The following ANAPC10 variants were observed in gnomAD, a reference collection of about 807,000 sequenced individuals.
ANAPC10 encodes anaphase-promoting complex subunit 10.
A neutral mutation model predicts 22.0 loss-of-function variants in ANAPC10; 12 were observed. The ratio of observed to expected loss-of-function variants is 0.55; its 90% CI spans 0.35 to 0.88. The LOEUF is 0.88. Ranked by LOEUF, ANAPC10 falls within the 40% of genes least tolerant of loss-of-function variation. The pLI, the probability that ANAPC10 is intolerant of heterozygous loss-of-function variation, is 0.01. For synonymous variants in ANAPC10, 65 were observed against 69.5 expected (o/e 0.94, Z 0.32); for missense variants, 188 against 220.9 (o/e 0.85, Z 0.94).
Position 145,067,281 on chromosome 4 carries a change from C to A in ANAPC10, c.207-2589G>T, listed in dbSNP as rs528224812. On this transcript the variant is annotated intron_variant, in intron 3 of 4. Coordinates refer to ENST00000507656, the MANE Select transcript of ANAPC10 (RefSeq NM_001256706.2). Reference sequence around the variant, plus strand: ...AGTAGCTCAAACTGCTCAAAACCATCATTATAATAATAATCACTCCATAGT... The same window carrying A: ...AGTAGCTCAAACTGCTCAAAACCATAATTATAATAATAATCACTCCATAGT... Among the ~76,000 whole-genome samples, 5 of 152,236 alleles carry A rather than the reference C, an allele frequency of 3.3e-5. No homozygotes were observed. The East Asian group carries it at 9.6e-4, about 29-fold the overall frequency.
chr4:145,009,998 A>C (rs1312943780), intron 4 of ANAPC10, among the ~76,000 whole-genome samples: 1 of 152,212 alleles, frequency 6.6e-6, no homozygotes, highest in Non-Finnish European at 1.5e-5. Flanking sequence ...CAAACCCATC[A>C]AAAAGTGGGT....
intron 4 of ANAPC10, among the ~76,000 whole-genome samples, chr4:145,002,457 G>C (rs1732717693): frequency 6.9e-6 from 1 of 145,018 alleles, no homozygotes; most frequent in East Asian, 2.3e-4. Flanking sequence ...ATTCATTTTA[G>C]ACTAGAAAAT....
At chr4:145,019,299 T>C (rs1404314954) in intron 4 of ANAPC10, among the ~76,000 whole-genome samples, 2 of 152,150 alleles carry the variant, frequency 1.3e-5, no homozygotes, top group Non-Finnish European at 2.9e-5. Flanking sequence ...AAAAGGAACC[T>C]TCAAAACATG....
intron 3 of ANAPC10, among the ~76,000 whole-genome samples, chr4:145,076,122 T>C (rs1745159763): frequency 6.6e-6 from 1 of 152,240 alleles, no homozygotes; most frequent in Admixed American, 6.5e-5. Flanking sequence ...CAGAAAGCTT[T>C]AGCAGATGGG....
rs1451382689 is a variant in ANAPC10, at chr4:145,017,754, G to A, written c.328-22151C>T. ...CAATGATAGACTGGATTAAGAAAAT[G>A]TGGCACATACACACCATGGAATACT... On this transcript the variant is annotated intron_variant, in intron 4 of 4. Transcript: ENST00000507656. Among the ~76,000 whole-genome samples the A allele has an allele frequency of 2.0e-5, 3 of 152,106 alleles. No individual in the cohort carries two copies. The East Asian group carries it at 5.8e-4, about 29-fold the overall frequency.
chr4:145,054,638 TGTGCGCGCGC>T (rs1283047144), intron 4 of ANAPC10, among the ~76,000 whole-genome samples: 3 of 65,462 alleles, frequency 4.6e-5, no homozygotes, highest in African/African-American at 1.4e-4. Flanking sequence ...TGTGTGTGTG[TGTGCGCGCGC>T]GCGCGCGTGC....
At chr4:145,079,558 A>C (rs1487734187) in intron 3 of ANAPC10, among the ~76,000 whole-genome samples, 1 of 152,220 alleles carries the variant, frequency 6.6e-6, no homozygotes, top group Non-Finnish European at 1.5e-5. Flanking sequence ...AAATCATTTC[A>C]CCATAAGACA....
chr4:144,995,697 C>T lies in ANAPC10; in HGVS notation c.328-94G>A, dbSNP rs1004561931. On this transcript the variant is annotated intron_variant, in intron 4 of 4. Transcript: ENST00000507656. Reference sequence around the variant, plus strand: ...CTATAATAAAATAACTTATAATTAACATTTTGCTCAACGAAAGAATGACAA... The same window carrying T: ...CTATAATAAAATAACTTATAATTAATATTTTGCTCAACGAAAGAATGACAA... 42 of 852,586 alleles carry T rather than the reference C, an allele frequency of 4.9e-5. No homozygotes were observed. The African/African-American group carries it at 6.5e-4, about 13-fold the overall frequency. The allele number at this position is 852,586 out of a possible 1,614,324, so 52.8% of individuals were successfully genotyped here.
At chr4:145,041,420 G>A (rs1304691343) in intron 4 of ANAPC10, among the ~76,000 whole-genome samples, 2 of 152,192 alleles carry the variant, frequency 1.3e-5, no homozygotes, top group East Asian at 1.9e-4. Context: ...TGATAACTGA[G>A]GAGAAAAAGC....
intron 4 of ANAPC10, among the ~76,000 whole-genome samples, chr4:145,063,351 C>T (rs929187666): frequency 1.3e-5 from 2 of 152,050 alleles, no homozygotes; most frequent in Non-Finnish European, 2.9e-5. Flanking sequence ...GGACAATATC[C>T]TCACCTGTTC....
At chr4:145,010,743 C>T (rs1578895373) in intron 4 of ANAPC10, among the ~76,000 whole-genome samples, 1 of 152,094 alleles carries the variant, frequency 6.6e-6, no homozygotes, top group African/African-American at 2.4e-5. Flanking sequence ...TTAATGGGTA[C>T]AGCACACCAA....
intron 3 of ANAPC10, among the ~76,000 whole-genome samples, chr4:145,073,234 T>C (rs926977378): frequency 2.4e-4 from 36 of 152,314 alleles, no homozygotes; most frequent in African/African-American, 8.7e-4. Context: ...ATTTTTCCAT[T>C]TGCTCTACTT....
At chr4:145,044,488 C>T (rs1739997252) in intron 4 of ANAPC10, among the ~76,000 whole-genome samples, 2 of 152,220 alleles carry the variant, frequency 1.3e-5, no homozygotes, top group Admixed American at 1.3e-4. Context: ...CTCCCACCCA[C>T]CATGACCCAC....
intron 4 of ANAPC10, among the ~76,000 whole-genome samples, chr4:145,049,776 G>T (rs1740839729): frequency 6.6e-6 from 1 of 151,844 alleles, no homozygotes; most frequent in African/African-American, 2.4e-5. Context: ...TAGAGATGGG[G>T]GTCTTGTTAT....
intron 4 of ANAPC10, among the ~76,000 whole-genome samples, chr4:145,049,038 T>C (rs1740719943): frequency 1.3e-5 from 2 of 152,214 alleles, no homozygotes; most frequent in Non-Finnish European, 2.9e-5. Flanking sequence ...GGTTTCTCAG[T>C]GCATATATTA....
At chr4:145,028,093 G>C (rs947792324) in intron 4 of ANAPC10, among the ~76,000 whole-genome samples, 3 of 152,180 alleles carry the variant, frequency 2.0e-5, no homozygotes, top group Non-Finnish European at 4.4e-5. Flanking sequence ...TAGATGGTGT[G>C]ATGGTTAATA....
At chr4:145,093,417 T>G (rs960016917) in intron 2 of ANAPC10, among the ~76,000 whole-genome samples, 2 of 151,860 alleles carry the variant, frequency 1.3e-5, no homozygotes, top group African/African-American at 2.4e-5. Context: ...CAGTATCTAC[T>G]AATCTGCACA....
intron 3 of ANAPC10, among the ~76,000 whole-genome samples, chr4:145,073,566 A>C (rs2126535714): frequency 6.6e-6 from 1 of 152,274 alleles, no homozygotes. Flanking sequence ...ATTTTATTAA[A>C]TTTATAAAGT....
At chr4:145,034,377 C>T (rs1047538814) in intron 4 of ANAPC10, among the ~76,000 whole-genome samples, 28 of 152,044 alleles carry the variant, frequency 1.8e-4, no homozygotes, top group Non-Finnish European at 3.7e-4. Flanking sequence ...CATCTTTCTC[C>T]TGAGCTGGAT....
Sources: gnomAD v4.1 joint callset for allele counts (sites outside exome capture counted in the v4.1 genomes callset) on GRCh38, gnomAD v4.1.1 for gene constraint, MANE v1.5 for transcripts, NCBI Gene and HGNC (gene_info 2026-07-23, HGNC 2026-07-21) for gene names.